PIEZO2: variants seen among roughly 807,000 people sequenced by gnomAD.
The protein encoded by PIEZO2 is piezo-type mechanosensitive ion channel component 2.
PIEZO2 carries 172 observed loss-of-function variants against 337.3 expected under a neutral mutation model. That is an observed-to-expected ratio of 0.51 (90% CI 0.45 to 0.58). PIEZO2 has a LOEUF of 0.58. Ranked by LOEUF, PIEZO2 falls within the 20% of genes least tolerant of loss-of-function variation. The pLI is 0.00. For synonymous variants in PIEZO2, 1,251 were observed against 1,228.5 expected (o/e 1.02, Z -0.38); for missense variants, 3,028 against 3,391.3 (o/e 0.89, Z 2.66).
In PIEZO2 at chr18:11,129,455, A is replaced by T. The variant is rs1421098996; in HGVS notation, c.64+19070T>A. ...TGTTCCTAGAAGTGAAATTGATAGG[A>T]AGCCTACTGCATTCTTACTTAAATT... On this transcript the variant is annotated intron_variant, in intron 1 of 55. Coordinates refer to ENST00000674853, the MANE Select transcript of PIEZO2 (RefSeq NM_001378183.1). This position sits in a 1 kb window ranked among gnomAD's most constrained non-coding sequence, Gnocchi z 4.6. 1.3e-5 allele frequency among the ~76,000 whole-genome samples: 2 copies of T among 152,174 alleles called. No homozygotes were observed. The highest frequency in any genetic ancestry group is 4.8e-5 in the African/African-American group (2 of 41,440).
chr18:10,741,717 G>C (rs975340842), intron 32 of PIEZO2, among the ~76,000 whole-genome samples: 1 of 152,092 alleles, frequency 6.6e-6, no homozygotes. Flanking sequence ...AGTTTCATTT[G>C]AGCAGGCAAC....
chr18:10,721,310 G>T (rs971335101), intron 36 of PIEZO2, among the ~76,000 whole-genome samples: 2 of 152,162 alleles, frequency 1.3e-5, no homozygotes, highest in African/African-American at 4.8e-5. Context: ...ACAACAGCTG[G>T]CACTTCAGAA....
Position 10,671,547 on chromosome 18 carries a change from T to C in PIEZO2, c.8578A>G (p.Thr2860Ala), listed in dbSNP as rs2033774936. The change falls in exon 56 of 56, where the codon ACT becomes GCT. Residue 2860 changes from threonine to alanine, a missense_variant. Physicochemically the swap from Thr to Ala is moderately conservative, Grantham distance 58. Coordinates refer to ENST00000674853, the MANE Select transcript of PIEZO2 (RefSeq NM_001378183.1). ...YRSPETMIKW[T>A]REKTN ...AGGTTTCAATTTGTTTTTTCTCTAG[T>C]CCATTTGATCATTGTCTCTGGTGAG... The C allele has an allele frequency of 1.2e-6, 2 of 1,611,980 alleles. No individual in the cohort carries two copies. Among genetic ancestry groups the C allele is most frequent in the African/African-American group, 2.7e-5 (2 of 74,808 alleles).
chr18:10,822,236 G>A (rs1471035664), intron 7 of PIEZO2, among the ~76,000 whole-genome samples: 1 of 152,194 alleles, frequency 6.6e-6, no homozygotes, highest in Admixed American at 6.5e-5. Context: ...ATTTGGGATA[G>A]CAGTGACTTA....
chr18:10,678,744 G>A (rs777205713), intron 52 of PIEZO2, among the ~76,000 whole-genome samples: 2 of 152,116 alleles, frequency 1.3e-5, no homozygotes, highest in South Asian at 4.1e-4. Context: ...ACCAACACAA[G>A]GAAAAACAAA....
Position 10,699,191 on chromosome 18 carries a change from G to T in PIEZO2, c.6442-14C>A. ...TAAGCCATGGCACTGAGAAAGCAGG[G>T]ACAGGGACAAATGAGGCTACTGTTT... On this transcript the variant is annotated splice_polypyrimidine_tract_variant and intron_variant, in intron 43 of 55. Transcript: ENST00000674853. 1 of 1,537,170 alleles carries T rather than the reference G, an allele frequency of 6.5e-7. No individual in the cohort carries two copies. The highest frequency in any genetic ancestry group is 1.2e-5 in the South Asian group (1 of 84,040).
Position 10,696,230 on chromosome 18 carries a change from G to A in PIEZO2, c.7034C>T (p.Pro2345Leu), listed in dbSNP as rs1266802196. 1.9e-6 allele frequency: 3 copies of A among 1,614,184 alleles called. No individual in the cohort carries two copies. Among genetic ancestry groups the A allele is most frequent in the Non-Finnish European group, 1.7e-6 (2 of 1,180,012 alleles). The part of the protein sequence containing the change: ...SSLSEDQVPG[P>L]FLVMVLIQFG... ...CTGAATGAGGACCATCACCAAAAAC[G>A]GCCCCGGGACCTGGTCCTCTGACAG... Residue 2345 changes from proline to leucine, a missense_variant, in exon 47 of 56, where the codon CCG (proline) becomes CTG (leucine). Around this residue, in one of 5 missense-constraint regions of PIEZO2, gnomAD observed 179 missense variants for 281.8 expected, o/e 0.64. Coordinates refer to ENST00000674853, the MANE Select transcript of PIEZO2 (RefSeq NM_001378183.1).
chr18:11,014,250 T>G (rs1031902499), intron 2 of PIEZO2, among the ~76,000 whole-genome samples: 2 of 139,592 alleles, frequency 1.4e-5, no homozygotes, highest in Non-Finnish European at 3.1e-5. Flanking sequence ...CATGTCACCC[T>G]GGTGGGACAG....
rs79619707 is a variant in PIEZO2, at chr18:11,143,673, ACTCTCTCT to A, written c.64+4844_64+4851del. On this transcript the variant is annotated intron_variant, in intron 1 of 55. Transcript: ENST00000674853. The surrounding 1 kb of genome is among the most constrained non-coding windows in gnomAD (Gnocchi z 4.9). Reference sequence around the variant, plus strand: ...CTCTCTCTCTCTCTCTCTCTCTCTCACTCTCTCTCTCTCACATAATTTGGCTCTAGGAA... The same window carrying A: ...CTCTCTCTCTCTCTCTCTCTCTCTCACTCTCACATAATTTGGCTCTAGGAA... Among the ~76,000 whole-genome samples the A allele has an allele frequency of 9.1e-6, 1 of 110,070 alleles. No homozygotes were observed. Among genetic ancestry groups the A allele is most frequent in the African/African-American group, 3.4e-5 (1 of 29,568 alleles). 72.2% of individuals were successfully genotyped at this position (110,070 alleles called of 152,430 possible).
rs1258866356 is a variant in PIEZO2 at position 11,066,819 on chromosome 18, T to G, written c.65-597A>C. On this transcript the variant is annotated intron_variant, in intron 1 of 55. Transcript: ENST00000674853. ...TTCGCCATGTTGGCCAGGCTGGTCT[T>G]GAACTCTTGACCTCAGGTAATCTGC... Among the ~76,000 whole-genome samples, 3 of 152,194 alleles carry G rather than the reference T, an allele frequency of 2.0e-5. No homozygotes were observed. The East Asian group carries it at 5.8e-4, about 29-fold the overall frequency.
intron 2 of PIEZO2, among the ~76,000 whole-genome samples, chr18:11,036,696 C>T (rs1287368587): frequency 6.6e-6 from 1 of 151,956 alleles, no homozygotes; most frequent in African/African-American, 2.4e-5. Context: ...TATGGCTCTA[C>T]TGAGTTTGTG....
At chr18:11,060,921 C>T (rs995376220) in intron 2 of PIEZO2, among the ~76,000 whole-genome samples, 2 of 152,206 alleles carry the variant, frequency 1.3e-5, no homozygotes, top group African/African-American at 2.4e-5. Context: ...CCAGCATCAT[C>T]CTGATACTAA....
In PIEZO2 at chr18:11,031,183, TG is replaced by T. The variant is rs1180712836; in HGVS notation, c.160+34943del. The stretch of plus-strand genomic sequence containing the variant: ...TTTTTTGTATTTTTTTTTTTTTTAG[TG>T]GAGATGGGATTTCACCGTGTTAGCC... On this transcript the variant is annotated intron_variant, in intron 2 of 55. Coordinates refer to ENST00000674853, the MANE Select transcript of PIEZO2 (RefSeq NM_001378183.1). This position sits in a 1 kb window ranked among gnomAD's most constrained non-coding sequence, Gnocchi z 4.7. Among the ~76,000 whole-genome samples, 5 of 150,340 alleles carry T rather than the reference TG, an allele frequency of 3.3e-5. No homozygotes were observed. Among genetic ancestry groups the T allele is most frequent in the African/African-American group, 9.8e-5 (4 of 40,678 alleles).
intron 1 of PIEZO2, 34 bp from the exon 2 acceptor site, chr18:11,066,256 T>G: frequency 6.7e-7 from 1 of 1,488,726 alleles, no homozygotes; most frequent in Non-Finnish European, 9.1e-7. Flanking sequence ...AGTGAGAAGA[T>G]CATTAACAAA....
At chr18:11,024,444 G>T (rs181900805) in intron 2 of PIEZO2, among the ~76,000 whole-genome samples, 3,210 of 150,970 alleles carry the variant, frequency 0.021, 77 homozygotes, top group African/African-American at 0.062. Flanking sequence ...TACTCAGGAG[G>T]CTGAGGCAGG....
At chr18:10,898,302 T>C (rs545715595) in intron 4 of PIEZO2, among the ~76,000 whole-genome samples, 15 of 152,256 alleles carry the variant, frequency 9.9e-5, no homozygotes, top group South Asian at 2.1e-4. Context: ...GTGCCTGTAG[T>C]CCCAGCTACT....
rs2038430423 is a variant in PIEZO2, at chr18:11,073,847, G to GATTTTTTT, written c.65-7626_65-7625insAAAAAAAT. Among the ~76,000 whole-genome samples the GATTTTTTT allele has an allele frequency of 4.8e-5, 5 of 104,220 alleles. No homozygotes were observed. The Admixed American group carries it at 6.3e-4, about 13-fold the overall frequency. The allele number at this position is 104,220 out of a possible 152,430, so 68.4% of individuals were successfully genotyped here. ...ACGACTTAGAAGACAAATAACAACT[G>GATTTTTTT]CTTTTTTTTTTTTTTTTGAGACAGA... is the stretch of plus-strand genomic sequence containing the variant. On this transcript the variant is annotated intron_variant, in intron 1 of 55. Transcript: ENST00000674853.
At chr18:10,715,474 A>G (rs2035976235) in intron 38 of PIEZO2, among the ~76,000 whole-genome samples, 176 bp downstream of exon 38, 1 of 152,200 alleles carries the variant, frequency 6.6e-6, no homozygotes, top group African/African-American at 2.4e-5. Flanking sequence ...CATGACATTT[A>G]ATTATTTTAA....
At chr18:10,890,157 T>C (rs2042714733) in intron 4 of PIEZO2, among the ~76,000 whole-genome samples, 1 of 152,236 alleles carries the variant, frequency 6.6e-6, no homozygotes, top group Non-Finnish European at 1.5e-5. Context: ...TAAAATCTTG[T>C]GTGTTTAAAC....
Sources: gnomAD v4.1 joint callset for allele counts (sites outside exome capture counted in the v4.1 genomes callset) on GRCh38, gnomAD v4.1.1 for gene constraint, gnomAD v4.1.1 regional missense constraint, Gnocchi (gnomAD v3.1) non-coding constraint, MANE v1.5 for transcripts, NCBI Gene and HGNC (gene_info 2026-07-23, HGNC 2026-07-21) for gene names.